LHFPL3: variants seen among roughly 807,000 people sequenced by gnomAD.
LHFPL3 encodes LHFPL tetraspan subfamily member 3, also known as LHFPL tetraspan subfamily member 3 protein.
In LHFPL3, 5 loss-of-function variants were observed where a neutral mutation model predicts 19.3. The ratio of observed to expected loss-of-function variants is 0.26; its 90% CI spans 0.14 to 0.54. LHFPL3 has a LOEUF of 0.54. LHFPL3 is among the 20% of genes least tolerant of loss of function. The pLI is 0.94. For synonymous variants in LHFPL3, 133 were observed against 126.2 expected (o/e 1.05, Z -0.36); for missense variants, 249 against 307.4 (o/e 0.81, Z 1.42).
chr7:104,579,932 C>A (rs946681419), intron 1 of LHFPL3, among the ~76,000 whole-genome samples: 2 of 152,198 alleles, frequency 1.3e-5, no homozygotes, highest in African/African-American at 4.8e-5. Context: ...AGGCTTAAGT[C>A]TCCTTGCTGG....
At position 104,506,206 on chromosome 7, in the gene LHFPL3, G is replaced by A. The variant is rs538144447; in HGVS notation, c.445+176982G>A. Among the ~76,000 whole-genome samples, 193 of 152,052 alleles carry A rather than the reference G, an allele frequency of 1.3e-3. 2 individuals are homozygous for A. Among genetic ancestry groups the A allele is most frequent in the Middle Eastern group, 6.8e-3 (2 of 292 alleles). On this transcript the variant is annotated intron_variant, in intron 1 of 2. Transcript: ENST00000424859. ...TAATTTTTGTGTTTTTAGTAGAGAC[G>A]GGGTGAAAACTGATTTTATAAGGAA...
intron 1 of LHFPL3, among the ~76,000 whole-genome samples, chr7:104,348,362 C>A (rs138698048): frequency 0.02 from 3,061 of 152,168 alleles, 44 homozygotes; most frequent in Non-Finnish European, 0.032. Flanking sequence ...TCCAGCCTGG[C>A]GACAGAGCGA....
intron 1 of LHFPL3, among the ~76,000 whole-genome samples, chr7:104,736,151 C>A (rs1275348823): frequency 6.6e-6 from 1 of 151,948 alleles, no homozygotes; most frequent in South Asian, 2.1e-4. Flanking sequence ...AGAAAAAAAA[C>A]AAAACTTTTC....
intron 1 of LHFPL3, among the ~76,000 whole-genome samples, chr7:104,633,035 T>C (rs1329109760): frequency 5.9e-5 from 9 of 152,134 alleles, no homozygotes; most frequent in Non-Finnish European, 1.3e-4. Context: ...GTGGTTTTTT[T>C]AAGAAAAAAA....
chr7:104,394,433 C>G (rs1227618164), intron 1 of LHFPL3, among the ~76,000 whole-genome samples: 1 of 152,010 alleles, frequency 6.6e-6, no homozygotes, highest in East Asian at 1.9e-4. Flanking sequence ...TTTCCTGATT[C>G]TTTAAAAATT....
In LHFPL3 at chr7:104,399,212, T is replaced by A. The variant is rs78703301; in HGVS notation, c.445+69988T>A. On this transcript the variant is annotated intron_variant, in intron 1 of 2. Coordinates refer to ENST00000424859, the MANE Select transcript of LHFPL3 (RefSeq NM_199000.3). The surrounding 1 kb of genome is among the most constrained non-coding windows in gnomAD (Gnocchi z 4.4). ...CCTGATGTCCTCTTACTTCCCTTGA[T>A]ATCGTAGGTTTCCAGCTGGACAAGG... is the stretch of plus-strand genomic sequence containing the variant. Among the ~76,000 whole-genome samples, 58 of 152,256 alleles carry A rather than the reference T, an allele frequency of 3.8e-4. No homozygotes were observed. In the East Asian group the frequency reaches 0.011, roughly 28 times the overall value.
At chr7:104,799,654 C>G (rs978288397) in intron 2 of LHFPL3, 2 of 152,704 alleles carry the variant, frequency 1.3e-5, no homozygotes, top group Non-Finnish European at 2.9e-5. Context: ...ATGATCCTGG[C>G]TTCTGCCCTC....
intron 1 of LHFPL3, among the ~76,000 whole-genome samples, chr7:104,685,893 T>C (rs1792795718): frequency 6.6e-6 from 1 of 152,186 alleles, no homozygotes; most frequent in Non-Finnish European, 1.5e-5. Flanking sequence ...AAGTAATGGA[T>C]GGTCAAAGGC....
chr7:104,721,109 T>C (rs1437167523), intron 1 of LHFPL3, among the ~76,000 whole-genome samples: 1 of 152,168 alleles, frequency 6.6e-6, no homozygotes, highest in Non-Finnish European at 1.5e-5. Flanking sequence ...TGTGGCACTA[T>C]TCACAATAGG....
chr7:104,536,787 T>C (rs1794396693), intron 1 of LHFPL3, among the ~76,000 whole-genome samples: 1 of 152,218 alleles, frequency 6.6e-6, no homozygotes, highest in Non-Finnish European at 1.5e-5. Flanking sequence ...AAGCTTGCAT[T>C]TCCTTTTTAC....
At chr7:104,901,771 T>A (rs1792489864) in intron 2 of LHFPL3, among the ~76,000 whole-genome samples, 1 of 152,076 alleles carries the variant, frequency 6.6e-6, no homozygotes, top group South Asian at 2.1e-4. Flanking sequence ...CATCTCCTTA[T>A]GTTGCCCAGG....
chr7:104,354,352 T>G (rs1038827746), intron 1 of LHFPL3, among the ~76,000 whole-genome samples: 1 of 152,206 alleles, frequency 6.6e-6, no homozygotes, highest in Non-Finnish European at 1.5e-5. Flanking sequence ...GAAGTGGACA[T>G]CTTGTACACA....
intron 1 of LHFPL3, among the ~76,000 whole-genome samples, chr7:104,337,284 A>G (rs1255235578): frequency 1.3e-5 from 2 of 152,214 alleles, no homozygotes; most frequent in East Asian, 3.8e-4. Flanking sequence ...TATGAATAGT[A>G]AAGAGATGAT....
intron 1 of LHFPL3, among the ~76,000 whole-genome samples, chr7:104,440,520 A>G (rs1051229951): frequency 6.6e-6 from 1 of 152,088 alleles, no homozygotes; most frequent in Non-Finnish European, 1.5e-5. Context: ...ATATGTAACA[A>G]ACCTGCACAT....
At chr7:104,623,161 T>C in intron 1 of LHFPL3, 1 of 173,596 alleles carries the variant, frequency 5.8e-6, no homozygotes, top group Non-Finnish European at 1.3e-5. Flanking sequence ...GAGTTCTAGA[T>C]ACTAATTTGA....
intron 2 of LHFPL3, among the ~76,000 whole-genome samples, chr7:104,795,959 C>T (rs916538958): frequency 7.7e-6 from 1 of 130,602 alleles, no homozygotes; most frequent in Non-Finnish European, 1.6e-5. Flanking sequence ...CTAAAATATA[C>T]CCATTGAAAT....
intron 2 of LHFPL3, among the ~76,000 whole-genome samples, chr7:104,859,928 G>A (rs1361788075): frequency 6.6e-6 from 1 of 152,116 alleles, no homozygotes; most frequent in Non-Finnish European, 1.5e-5. Flanking sequence ...AGAAAACAGT[G>A]CATACCTGGG....
At chr7:104,794,102 T>G (rs1790073458) in intron 2 of LHFPL3, among the ~76,000 whole-genome samples, 1 of 152,198 alleles carries the variant, frequency 6.6e-6, no homozygotes, top group Non-Finnish European at 1.5e-5. Context: ...TTATATACTA[T>G]AGAAGTATAA....
intron 1 of LHFPL3, among the ~76,000 whole-genome samples, chr7:104,589,701 T>G (rs6465997): frequency 0.92 from 139,242 of 152,004 alleles, 64,116 homozygotes; most frequent in Non-Finnish European, 0.96. Flanking sequence ...CAGCTCCTCT[T>G]TGTACCTCTG....
Sources: allele counts gnomAD v4.1 joint callset (sites outside exome capture counted in the v4.1 genomes callset), GRCh38; gene constraint gnomAD v4.1.1; non-coding constraint Gnocchi (gnomAD v3.1); transcripts MANE v1.5; gene names NCBI Gene and HGNC (gene_info 2026-07-23, HGNC 2026-07-21).